The following CDYL variants were observed in gnomAD, a reference collection of about 807,000 sequenced individuals.
CDYL encodes the protein chromodomain Y-like protein.
CDYL carries 8 observed loss-of-function variants against 47.3 expected under a neutral mutation model. That is an observed-to-expected ratio of 0.17 (90% confidence interval 0.10 to 0.31). The LOEUF (loss-of-function observed/expected upper bound fraction) is 0.31. Among genes scored for constraint, CDYL ranks in the 10% least tolerant of loss-of-function variants. CDYL has a pLI of 1.00. For missense variants in CDYL, 471 were observed against 701.4 expected, an observed-to-expected ratio of 0.67 and a Z score of 3.71; for synonymous variants, 266 against 265.0, an observed-to-expected ratio of 1.00 and a Z score of -0.04.
intron 1 of CDYL, among the ~76,000 whole-genome samples, chr6:4,803,249 T>C (rs1759276534): frequency 6.6e-6 from 1 of 152,180 alleles, no homozygotes; most frequent in Non-Finnish European, 1.5e-5. Context: ...TCAGGGTTCT[T>C]CTGCTCCCAT....
chr6:4,759,511 T>A (rs1253737966), intron 3 of CDYL, among the ~76,000 whole-genome samples: 5 of 152,144 alleles, frequency 3.3e-5, no homozygotes, highest in Non-Finnish European at 5.9e-5. Flanking sequence ...TAAAATTGTT[T>A]CCAACTTTTG....
intron 5 of CDYL, among the ~76,000 whole-genome samples, chr6:4,944,384 A>G (rs1451234783): frequency 6.6e-6 from 1 of 152,220 alleles, no homozygotes; most frequent in Non-Finnish European, 1.5e-5. Context: ...GCACAGAGGA[A>G]GAGGTCAAAG....
At chr6:4,877,203 G>A (rs764098514) in intron 1 of CDYL, among the ~76,000 whole-genome samples, 23 of 152,186 alleles carry the variant, frequency 1.5e-4, no homozygotes, top group Non-Finnish European at 2.6e-4. Context: ...CTGAGAGTGG[G>A]TGTTTCATAG....
rs1021003543 is a variant in CDYL at position 4,927,151 on chromosome 6, T to G, written c.692-8364T>G. ...TTTTCCATTTTAAAAGTAAAGCTGT[T>G]TGAATACCTTTTGTGTGTAAAAACA... On this transcript the variant is annotated intron_variant, in intron 2 of 6. Coordinates refer to ENST00000397588, the MANE Select transcript of CDYL (RefSeq NM_004824.4). 1.9e-3 allele frequency among the ~76,000 whole-genome samples: 284 copies of G among 152,340 alleles called. 3 individuals are homozygous for G. Among genetic ancestry groups the G allele is most frequent in the Non-Finnish European group, 1.8e-4 (12 of 68,028 alleles).
intron 2 of CDYL, among the ~76,000 whole-genome samples, chr6:4,911,606 G>A (rs1757418323): frequency 6.6e-6 from 1 of 152,172 alleles, no homozygotes; most frequent in African/African-American, 2.4e-5. Flanking sequence ...TCTAGGGATA[G>A]CTAAAAGCCT....
intron 2 of CDYL, among the ~76,000 whole-genome samples, chr6:4,900,779 G>GTGTGTGTGTGTGTGTGTATATA: frequency 1.9e-5 from 1 of 51,704 alleles, no homozygotes; most frequent in African/African-American, 6.3e-5. Context: ...GTATACGTGT[G>GTGTGTGTGTGTGTGTGTATATA]TATATATATA....
intron 1 of CDYL, among the ~76,000 whole-genome samples, chr6:4,777,094 C>G (rs1194358597): frequency 1.4e-4 from 20 of 144,446 alleles, no homozygotes; most frequent in African/African-American, 4.5e-4. Flanking sequence ...GCTCAAAGTG[C>G]TCTTGGCGTG....
chr6:4,928,478 A>G (rs1757943936), intron 2 of CDYL, among the ~76,000 whole-genome samples: 1 of 152,218 alleles, frequency 6.6e-6, no homozygotes, highest in Non-Finnish European at 1.5e-5. Flanking sequence ...CCTTGAACTA[A>G]GCTATCTCAC....
intron 2 of CDYL, among the ~76,000 whole-genome samples, chr6:4,904,637 T>TA (rs1445572681): frequency 6.6e-6 from 1 of 152,218 alleles, no homozygotes; most frequent in Non-Finnish European, 1.5e-5. Context: ...AAAAAGAACT[T>TA]TTTTTAATGG....
rs537842881 is a variant in CDYL at position 4,823,920 on chromosome 6, A to C, written c.24+47113A>C. Among the ~76,000 whole-genome samples the C allele has an allele frequency of 2.0e-5, 3 of 152,124 alleles. No homozygotes were observed. The East Asian group carries it at 5.8e-4, about 29-fold the overall frequency. On this transcript the variant is annotated intron_variant, in intron 1 of 6. Coordinates refer to ENST00000397588, the MANE Select transcript of CDYL (RefSeq NM_004824.4). Reference sequence around the variant, plus strand: ...CTTCCCCCAGTCCCTGGAAATCTCTATTCTACTTTCTGCCTCAGTGAATTT... The same window carrying C: ...CTTCCCCCAGTCCCTGGAAATCTCTCTTCTACTTTCTGCCTCAGTGAATTT...
At chr6:4,811,825 A>G (rs1460483581) in intron 1 of CDYL, among the ~76,000 whole-genome samples, 1 of 152,084 alleles carries the variant, frequency 6.6e-6, no homozygotes, top group Non-Finnish European at 1.5e-5. Context: ...GATGGGTCTC[A>G]CTGTTACCCG....
intron 2 of CDYL, among the ~76,000 whole-genome samples, chr6:4,928,381 A>G (rs1157370123): frequency 6.6e-6 from 1 of 151,912 alleles, no homozygotes; most frequent in Non-Finnish European, 1.5e-5. Context: ...AGGATTATGG[A>G]TGTTTTCTTT....
intron 2 of CDYL, among the ~76,000 whole-genome samples, chr6:4,900,795 A>ATATATATATATATATATAT (rs1757014832): frequency 1.7e-5 from 1 of 60,008 alleles, no homozygotes; most frequent in African/African-American, 7.1e-5. Flanking sequence ...ATATATATAT[A>ATATATATATATATATATAT]TATATATATA....
In CDYL at chr6:4,784,096, T is replaced by C. The variant is rs543453390; in HGVS notation, c.24+7289T>C. On this transcript the variant is annotated intron_variant, in intron 1 of 6. Transcript: ENST00000397588. ...CTATTTCCTTGGATCTAAACTATAG[T>C]TCACTAATGAGCTGTGTTTAATCTG... Among the ~76,000 whole-genome samples the C allele has an allele frequency of 8.5e-4, 129 of 152,356 alleles. 1 individual carries two copies. Among genetic ancestry groups the C allele is most frequent in the African/African-American group, 2.8e-3 (116 of 41,586 alleles).
intron 1 of CDYL, among the ~76,000 whole-genome samples, chr6:4,840,876 G>GT (rs542914820): frequency 1.6e-4 from 25 of 151,530 alleles, no homozygotes; most frequent in Admixed American, 1.1e-3. Context: ...TTTTTGTTTT[G>GT]TTTTTTTGTT....
chr6:4,864,190 A>G (rs978085728), intron 1 of CDYL, among the ~76,000 whole-genome samples: 1 of 152,234 alleles, frequency 6.6e-6, no homozygotes, highest in African/African-American at 2.4e-5. Flanking sequence ...GACACTTTCA[A>G]ACAAGCCCTG....
At chr6:4,726,187 T>C (rs1358806285) in intron 2 of CDYL, among the ~76,000 whole-genome samples, 2 of 152,114 alleles carry the variant, frequency 1.3e-5, no homozygotes, top group Non-Finnish European at 2.9e-5. Flanking sequence ...CACAGGCAGA[T>C]AACTTGAATT....
intron 1 of CDYL, among the ~76,000 whole-genome samples, chr6:4,845,329 C>T (rs1393586498): frequency 1.3e-5 from 2 of 152,102 alleles, no homozygotes; most frequent in African/African-American, 4.8e-5. Flanking sequence ...AGTCATTTTG[C>T]GATGCCTGGA....
At chr6:4,739,735 C>G (rs944070934) in intron 3 of CDYL, among the ~76,000 whole-genome samples, 1 of 151,990 alleles carries the variant, frequency 6.6e-6, no homozygotes, top group Non-Finnish European at 1.5e-5. Flanking sequence ...GGCAGATCAC[C>G]TGAGGTCAGG....
Sources: gnomAD v4.1 joint callset for allele counts (sites outside exome capture counted in the v4.1 genomes callset) on GRCh38, gnomAD v4.1.1 for gene constraint, MANE v1.5 for transcripts, NCBI Gene and HGNC (gene_info 2026-07-23, HGNC 2026-07-21) for gene names.